ARHGEF28: variants seen among roughly 807,000 people sequenced by gnomAD.
The protein encoded by ARHGEF28 is Rho guanine nucleotide exchange factor 28.
Under a neutral mutation model 206.6 loss-of-function variants are expected in ARHGEF28, and 152 were observed. The observed-to-expected ratio is 0.74, with a 90% CI of 0.64 to 0.84. The LOEUF (loss-of-function observed/expected upper bound fraction) is 0.84, where lower values mean the gene tolerates loss of function less well. Among genes scored for constraint, ARHGEF28 ranks in the 40% least tolerant of loss-of-function variants. ARHGEF28 has a pLI of 0.00. For missense variants in ARHGEF28, 2,028 were observed against 2,073.2 expected (o/e 0.98, Z 0.42); for synonymous variants, 763 against 776.4 (o/e 0.98, Z 0.29).
intron 10 of ARHGEF28, among the ~76,000 whole-genome samples, chr5:73,833,100 C>G (rs62357758): frequency 0.11 from 16,002 of 152,170 alleles, 930 homozygotes; most frequent in Non-Finnish European, 0.13. Context: ...TTTTCTCTAG[C>G]TCAGTGATCT....
intron 2 of ARHGEF28, among the ~76,000 whole-genome samples, chr5:73,709,205 T>C (rs1326197310): frequency 6.6e-6 from 1 of 152,222 alleles, no homozygotes; most frequent in Non-Finnish European, 1.5e-5. Flanking sequence ...TTTTAAAATG[T>C]TACATACAGC....
chr5:73,699,293 A>C (rs1748434720), intron 2 of ARHGEF28, among the ~76,000 whole-genome samples: 1 of 151,916 alleles, frequency 6.6e-6, no homozygotes, highest in African/African-American at 2.4e-5. Context: ...GTGCATGGCT[A>C]GCAAGGTTCC....
intron 2 of ARHGEF28, among the ~76,000 whole-genome samples, chr5:73,725,530 A>G (rs1017064722): frequency 6.6e-6 from 1 of 152,240 alleles, no homozygotes; most frequent in Admixed American, 6.5e-5. Flanking sequence ...TTACTTTCAT[A>G]AAATAATTTA....
At chr5:73,838,424 A>T (rs1757793534) in intron 10 of ARHGEF28, among the ~76,000 whole-genome samples, 1 of 152,234 alleles carries the variant, frequency 6.6e-6, no homozygotes, top group East Asian at 1.9e-4. Context: ...ACTAGCTTAT[A>T]TTAATGTTTC....
chr5:73,930,858 A>T (rs1289656477), intron 35 of ARHGEF28, among the ~76,000 whole-genome samples: 1 of 152,004 alleles, frequency 6.6e-6, no homozygotes, highest in Non-Finnish European at 1.5e-5. Flanking sequence ...GGTCCTCTGT[A>T]CTTCTGTTCC....
chr5:73,928,906 G>T (rs1337316767), intron 35 of ARHGEF28, among the ~76,000 whole-genome samples: 1 of 151,962 alleles, frequency 6.6e-6, no homozygotes, highest in Admixed American at 6.6e-5. Flanking sequence ...AATTCAGCGC[G>T]CTCAGAAAAA....
intron 1 of ARHGEF28, among the ~76,000 whole-genome samples, chr5:73,639,719 A>C (rs1457419020): frequency 6.6e-6 from 1 of 152,160 alleles, no homozygotes; most frequent in African/African-American, 2.4e-5. Flanking sequence ...TAGACATTTA[A>C]AGTCATATAA....
rs2112726101 is a variant in ARHGEF28 at position 73,909,827 on chromosome 5, G to T, written c.4577G>T (p.Ser1526Ile). The T allele has an allele frequency of 2.0e-6, 3 of 1,537,904 alleles. No homozygotes were observed. Among genetic ancestry groups the T allele is most frequent in the Non-Finnish European group, 1.7e-6 (2 of 1,153,628 alleles). The change falls in exon 34 of 36, where the codon AGC (serine) becomes ATC (isoleucine). Residue 1526 changes from serine to isoleucine, a missense_variant. Ser to Ile is a moderately radical substitution (Grantham distance 142). Around this residue, in one of 3 missense-constraint regions of ARHGEF28, gnomAD observed 803 missense variants for 768.0 expected, o/e 1.05. Transcript: ENST00000513042. The stretch of plus-strand genomic sequence containing the variant: ...CAGGCGAGGATGCGGGCCCAGCAGA[G>T]CCTGCTGGGCCACTGGAAGCACGGC... The part of the protein sequence containing the change: ...REQARMRAQQ[S>I]LLGHWKHGRQ...
intron 28 of ARHGEF28, 140 bp downstream of exon 28, chr5:73,893,428 A>G (rs923835243): frequency 1.6e-5 from 8 of 491,952 alleles, no homozygotes; most frequent in African/African-American, 1.4e-4. Flanking sequence ...CTCCCGAGAA[A>G]CTTACACTAG....
intron 6 of ARHGEF28, among the ~76,000 whole-genome samples, chr5:73,777,547 A>G (rs1468668852): frequency 2.0e-5 from 3 of 152,218 alleles, no homozygotes; most frequent in Non-Finnish European, 2.9e-5. Context: ...TTTGCTTCAC[A>G]TAATTGAAAT....
intron 1 of ARHGEF28, among the ~76,000 whole-genome samples, chr5:73,638,747 A>T (rs1743878223): frequency 6.6e-6 from 1 of 152,214 alleles, no homozygotes; most frequent in African/African-American, 2.4e-5. Flanking sequence ...CTTATGGAAC[A>T]TTTAAAATTG....
intron 18 of ARHGEF28, 31 bp downstream of exon 18, chr5:73,866,044 T>C: frequency 6.5e-7 from 1 of 1,530,956 alleles, no homozygotes; most frequent in African/African-American, 1.4e-5. Flanking sequence ...CAAGAACTTT[T>C]AAAAATTTAA....
chr5:73,904,706 C>A, intron 33 of ARHGEF28: 1 of 337,654 alleles, frequency 3.0e-6, no homozygotes, highest in Non-Finnish European at 5.3e-6. Context: ...TGTAGCATGA[C>A]TTCACATTTT....
At chr5:73,728,647 T>C (rs59350217) in intron 2 of ARHGEF28, among the ~76,000 whole-genome samples, 4,382 of 152,298 alleles carry the variant, frequency 0.029, 195 homozygotes, top group African/African-American at 0.1. Flanking sequence ...CTGTACTAAA[T>C]ACACGGTACT....
At chr5:73,767,655 A>G (rs1381176479) in intron 4 of ARHGEF28, among the ~76,000 whole-genome samples, 6 of 152,176 alleles carry the variant, frequency 3.9e-5, no homozygotes, top group African/African-American at 1.4e-4. Context: ...AAAGGCATTC[A>G]GTTTTATAAG....
chr5:73,849,756 CT>C (rs1229062527), intron 13 of ARHGEF28, among the ~76,000 whole-genome samples: 2 of 151,994 alleles, frequency 1.3e-5, no homozygotes, highest in Non-Finnish European at 2.9e-5. Context: ...CTTGTATCCT[CT>C]CTAAGCCACT....
chr5:73,939,223 G>C (rs1392198040), intron 35 of ARHGEF28, among the ~76,000 whole-genome samples: 1 of 152,184 alleles, frequency 6.6e-6, no homozygotes, highest in Non-Finnish European at 1.5e-5. Context: ...CCTGTAAATT[G>C]TGGGTTTTAG....
chr5:73,768,837 A>T (rs1006391234), intron 4 of ARHGEF28, among the ~76,000 whole-genome samples: 2 of 152,036 alleles, frequency 1.3e-5, no homozygotes, highest in Non-Finnish European at 2.9e-5. Context: ...ATCTTGAATT[A>T]TAACTCCCAC....
At chr5:73,692,235 T>G (rs1747875089) in intron 2 of ARHGEF28, among the ~76,000 whole-genome samples, 1 of 152,076 alleles carries the variant, frequency 6.6e-6, no homozygotes, top group Admixed American at 6.5e-5. Context: ...GACTAATCCG[T>G]GGAGATTTTT....
Sources: gnomAD v4.1 joint callset for allele counts (sites outside exome capture counted in the v4.1 genomes callset) on GRCh38, gnomAD v4.1.1 for gene constraint, gnomAD v4.1.1 regional missense constraint, MANE v1.5 for transcripts, NCBI Gene and HGNC (gene_info 2026-07-23, HGNC 2026-07-21) for gene names.